The following LHFPL3 variants were observed in gnomAD, a reference collection of about 807,000 sequenced individuals.
LHFPL3 encodes the protein LHFPL tetraspan subfamily member 3, also known as LHFPL tetraspan subfamily member 3 protein.
In LHFPL3, 5 loss-of-function variants were observed where a neutral mutation model predicts 19.3. That is an observed-to-expected ratio of 0.26 (90% CI 0.14 to 0.54). The LOEUF (loss-of-function observed/expected upper bound fraction) is 0.54, where lower values mean the gene tolerates loss of function less well. LHFPL3 is among the 20% of genes least tolerant of loss of function. LHFPL3 has a pLI of 0.94. For missense variants in LHFPL3, 249 were observed against 307.4 expected, an observed-to-expected ratio of 0.81 and a Z score of 1.42; for synonymous variants, 133 against 126.2, an observed-to-expected ratio of 1.05 and a Z score of -0.36.
chr7:104,874,279 T>A (rs1791891772), intron 2 of LHFPL3, among the ~76,000 whole-genome samples: 1 of 152,204 alleles, frequency 6.6e-6, no homozygotes, highest in African/African-American at 2.4e-5. Context: ...TACTCATAAT[T>A]GCAATCTAAT....
chr7:104,816,556 CCTT>C (rs1317511038), intron 2 of LHFPL3, among the ~76,000 whole-genome samples: 1 of 152,216 alleles, frequency 6.6e-6, no homozygotes, highest in Non-Finnish European at 1.5e-5. Flanking sequence ...GTTTCAGAAT[CCTT>C]CTTTCAATTA....
intron 1 of LHFPL3, among the ~76,000 whole-genome samples, chr7:104,344,406 A>G (rs1790024211): frequency 6.6e-6 from 1 of 152,098 alleles, no homozygotes; most frequent in African/African-American, 2.4e-5. Context: ...TAAATCCCCA[A>G]TCCCACTTCC....
At chr7:104,466,718 T>A (rs6977743) in intron 1 of LHFPL3, among the ~76,000 whole-genome samples, 1 of 152,132 alleles carries the variant, frequency 6.6e-6, no homozygotes, top group East Asian at 1.9e-4. Flanking sequence ...TTTGACCTAG[T>A]TATAATCCCT....
At chr7:104,436,051 C>G (rs758627777) in intron 1 of LHFPL3, among the ~76,000 whole-genome samples, 1 of 152,036 alleles carries the variant, frequency 6.6e-6, no homozygotes, top group Admixed American at 6.6e-5. Context: ...AATAGCTATT[C>G]ATTATAGTCT....
intron 1 of LHFPL3, among the ~76,000 whole-genome samples, chr7:104,370,573 A>G (rs1790593338): frequency 6.6e-6 from 1 of 152,158 alleles, no homozygotes; most frequent in African/African-American, 2.4e-5. Context: ...AGGTGCTACT[A>G]TTATCCCCAT....
At chr7:104,587,243 G>T (rs532290881) in intron 1 of LHFPL3, among the ~76,000 whole-genome samples, 1 of 152,070 alleles carries the variant, frequency 6.6e-6, no homozygotes, top group African/African-American at 2.4e-5. Context: ...TACATTAGGT[G>T]TATCTCCTAA....
At chr7:104,387,406 A>G (rs1044814075) in intron 1 of LHFPL3, among the ~76,000 whole-genome samples, 4 of 152,138 alleles carry the variant, frequency 2.6e-5, no homozygotes, top group Admixed American at 6.6e-5. Flanking sequence ...GAAAAGTACA[A>G]TAACTGAAAT....
chr7:104,827,743 A>C (rs1459306635), intron 2 of LHFPL3, among the ~76,000 whole-genome samples: 7 of 151,842 alleles, frequency 4.6e-5, no homozygotes. Flanking sequence ...GTTTTAGTAA[A>C]AAAAATCCTT....
chr7:104,495,348 C>A (rs1266399629), intron 1 of LHFPL3, among the ~76,000 whole-genome samples: 1 of 152,036 alleles, frequency 6.6e-6, no homozygotes, highest in African/African-American at 2.4e-5. Context: ...GCTAGGACTA[C>A]AGGTGTACAC....
At chr7:104,674,881 A>G (rs1203116747) in intron 1 of LHFPL3, among the ~76,000 whole-genome samples, 1 of 152,180 alleles carries the variant, frequency 6.6e-6, no homozygotes, top group Non-Finnish European at 1.5e-5. Flanking sequence ...AACACTAAAA[A>G]CTCAAGAGCA....
intron 1 of LHFPL3, among the ~76,000 whole-genome samples, chr7:104,571,491 T>C (rs1330842520): frequency 6.6e-6 from 1 of 152,178 alleles, no homozygotes; most frequent in African/African-American, 2.4e-5. Flanking sequence ...TTCCTCACCA[T>C]GCAGCCATCT....
In LHFPL3 at chr7:104,634,940, A is replaced by G. The variant is rs74301013; in HGVS notation, c.446-101735A>G. 4.5e-3 allele frequency among the ~76,000 whole-genome samples: 687 copies of G among 152,334 alleles called. 41 individuals are homozygous for G. The East Asian group carries it at 0.11, about 25-fold the overall frequency. On this transcript the variant is annotated intron_variant, in intron 1 of 2. Coordinates refer to ENST00000424859, the MANE Select transcript of LHFPL3 (RefSeq NM_199000.3). ...AAAACCAAACAGGAAAACAGAGCTCAGGGGAAACAGAATTAGACACAGAAC... is the reference window on the plus strand; with the variant it reads ...AAAACCAAACAGGAAAACAGAGCTCGGGGGAAACAGAATTAGACACAGAAC...
chr7:104,767,108 C>T (rs781368837), intron 2 of LHFPL3, among the ~76,000 whole-genome samples: 3 of 152,144 alleles, frequency 2.0e-5, no homozygotes, highest in Non-Finnish European at 4.4e-5. Context: ...TGATTAAATG[C>T]GATAAGGTAG....
chr7:104,827,366 T>A (rs1790845190), intron 2 of LHFPL3, among the ~76,000 whole-genome samples: 1 of 152,028 alleles, frequency 6.6e-6, no homozygotes, highest in Non-Finnish European at 1.5e-5. Flanking sequence ...GAAAATTCAG[T>A]CTACTGATTT....
chr7:104,602,494 G>A (rs903020052), intron 1 of LHFPL3, among the ~76,000 whole-genome samples: 2 of 152,178 alleles, frequency 1.3e-5, no homozygotes, highest in African/African-American at 4.8e-5. Context: ...CTTGTCATGT[G>A]TATGTCCATG....
At chr7:104,510,474 C>A (rs1406125146) in intron 1 of LHFPL3, among the ~76,000 whole-genome samples, 1 of 152,090 alleles carries the variant, frequency 6.6e-6, no homozygotes. Context: ...GGTACTGGAG[C>A]AACTGGACAT....
At chr7:104,383,532 A>G (rs777678748) in intron 1 of LHFPL3, among the ~76,000 whole-genome samples, 10 of 152,224 alleles carry the variant, frequency 6.6e-5, no homozygotes, top group Non-Finnish European at 1.3e-4. Context: ...GCATTTACAG[A>G]TTGAATACAC....
intron 2 of LHFPL3, among the ~76,000 whole-genome samples, chr7:104,787,929 G>C (rs1239142513): frequency 1.3e-5 from 2 of 152,134 alleles, no homozygotes; most frequent in African/African-American, 4.8e-5. Context: ...CCGTCATGTT[G>C]GGGGTTAGGT....
chr7:104,728,307 C>A (rs1793627753), intron 1 of LHFPL3, among the ~76,000 whole-genome samples: 1 of 152,028 alleles, frequency 6.6e-6, no homozygotes, highest in South Asian at 2.1e-4. Flanking sequence ...ATATAGCAAC[C>A]CTCTTGCTAG....
Sources: gnomAD v4.1 joint callset for allele counts (sites outside exome capture counted in the v4.1 genomes callset) on GRCh38, gnomAD v4.1.1 for gene constraint, MANE v1.5 for transcripts, NCBI Gene and HGNC (gene_info 2026-07-23, HGNC 2026-07-21) for gene names.